Variants in ADAM10 observed in about 807,000 individuals in gnomAD.
ADAM10 encodes the protein disintegrin and metalloproteinase domain-containing protein 10.
A neutral mutation model predicts 90.1 loss-of-function variants in ADAM10; 17 were observed. That is an observed-to-expected ratio of 0.19 (90% CI 0.13 to 0.28). The LOEUF (loss-of-function observed/expected upper bound fraction) is 0.28, where lower values mean the gene tolerates loss of function less well. Ranked by LOEUF, ADAM10 falls within the 10% of genes least tolerant of loss-of-function variation. The pLI is 1.00. For synonymous variants in ADAM10, 310 were observed against 298.6 expected (o/e 1.04, Z -0.40); for missense variants, 610 against 914.3 (o/e 0.67, Z 4.29).
chr15:58,698,453 G>A, intron 2 of ADAM10: 1 of 298,436 alleles, frequency 3.4e-6, no homozygotes, highest in South Asian at 2.7e-5. Flanking sequence ...GCGTGAACCT[G>A]TAGTCCCAAC....
At chr15:58,698,614 G>C (rs746988405) in intron 2 of ADAM10, among the ~76,000 whole-genome samples, 3 of 145,584 alleles carry the variant, frequency 2.1e-5, no homozygotes, top group Non-Finnish European at 4.5e-5. Flanking sequence ...TCATAAAAAA[G>C]AACGAAATGC....
intron 1 of ADAM10, among the ~76,000 whole-genome samples, chr15:58,722,787 A>G (rs1360645668): frequency 7.2e-6 from 1 of 139,774 alleles, no homozygotes; most frequent in South Asian, 2.3e-4. Flanking sequence ...GCTGGAGTGC[A>G]GTAGCACTAT....
chr15:58,649,792 A>G (rs1466254858), intron 5 of ADAM10, among the ~76,000 whole-genome samples: 1 of 152,138 alleles, frequency 6.6e-6, no homozygotes, highest in Non-Finnish European at 1.5e-5. Context: ...ATCCTGCCCT[A>G]ATTACAGGGC....
intron 10 of ADAM10, among the ~76,000 whole-genome samples, chr15:58,624,589 T>C (rs1316572623): frequency 1.3e-5 from 2 of 152,218 alleles, no homozygotes; most frequent in Admixed American, 1.3e-4. Context: ...TAAAGTGCAG[T>C]GGCACGATCT....
intron 4 of ADAM10, among the ~76,000 whole-genome samples, chr15:58,674,928 G>A (rs946756352): frequency 7.9e-5 from 12 of 152,324 alleles, no homozygotes; most frequent in Admixed American, 3.3e-4. Flanking sequence ...AGTGGCTCAC[G>A]CCTGTAATCC....
At chr15:58,723,454 G>A (rs958538204) in intron 1 of ADAM10, among the ~76,000 whole-genome samples, 2 of 152,150 alleles carry the variant, frequency 1.3e-5, no homozygotes, top group African/African-American at 4.8e-5. Context: ...GGAAGCTGAG[G>A]TGGGTAGATC....
At chr15:58,724,176 C>CAA (rs547892688) in intron 1 of ADAM10, among the ~76,000 whole-genome samples, 2 of 120,024 alleles carry the variant, frequency 1.7e-5, no homozygotes, top group Non-Finnish European at 3.6e-5. Context: ...GACTCCGTCT[C>CAA]AAAAAAAAAA....
At chr15:58,691,590 AT>A (rs1206678017) in intron 2 of ADAM10, 1 of 477,150 alleles carries the variant, frequency 2.1e-6, no homozygotes, top group Non-Finnish European at 4.2e-6. Context: ...AAGCCACGAG[AT>A]TTTAGAGAAT....
At position 58,591,685 on chromosome 15, in the gene ADAM10, A is replaced by C. The variant is rs1894827011; in HGVS notation, c.*5862T>G. The C allele has an allele frequency of 6.6e-6, 1 of 152,226 alleles. No homozygotes were observed. Among genetic ancestry groups the C allele is most frequent in the Non-Finnish European group, 1.5e-5 (1 of 68,042 alleles). The allele number at this position is 152,226 out of a possible 1,614,324, so 9.4% of individuals were successfully genotyped here. Reference sequence around the variant, plus strand: ...ATCAACTCACAGCCAATCTTGTTTCAACTATATCCACACACACCAGCCAAC... The same window carrying C: ...ATCAACTCACAGCCAATCTTGTTTCCACTATATCCACACACACCAGCCAAC... On this transcript the variant is annotated 3_prime_UTR_variant, in exon 16 of 16. Transcript: ENST00000260408.
In ADAM10 at chr15:58,590,368, G is replaced by A. The variant is rs1464439676; in HGVS notation, c.*7179C>T. The A allele has an allele frequency of 1.3e-5, 2 of 152,230 alleles. No homozygotes were observed. Among genetic ancestry groups the A allele is most frequent in the African/African-American group, 4.8e-5 (2 of 41,454 alleles). The allele number at this position is 152,230 out of a possible 1,614,324, so 9.4% of individuals were successfully genotyped here. Reference sequence around the variant, plus strand: ...CAAGACCATACGCTTCACCAGGGCAGGGAAACTGTTAAGTTCACTACTGTA... The same window carrying A: ...CAAGACCATACGCTTCACCAGGGCAAGGAAACTGTTAAGTTCACTACTGTA... On this transcript the variant is annotated 3_prime_UTR_variant, in exon 16 of 16. Coordinates refer to ENST00000260408, the MANE Select transcript of ADAM10 (RefSeq NM_001110.4).
chr15:58,693,254 T>C, intron 2 of ADAM10: 2 of 569,702 alleles, frequency 3.5e-6, no homozygotes. Context: ...GTGTCCAAAA[T>C]GCACACGGCA....
At chr15:58,683,970 G>T (rs1897519344) in intron 2 of ADAM10, among the ~76,000 whole-genome samples, 1 of 151,316 alleles carries the variant, frequency 6.6e-6, no homozygotes, top group Non-Finnish European at 1.5e-5. Flanking sequence ...AAATGCTCAA[G>T]TCCCTTATAC....
At chr15:58,656,435 C>T (rs757514050) in intron 5 of ADAM10, among the ~76,000 whole-genome samples, 4 of 151,578 alleles carry the variant, frequency 2.6e-5, no homozygotes, top group East Asian at 1.9e-4. Context: ...TGATTTTCTC[C>T]GGTGGTATGA....
chr15:58,733,133 A>G (rs967440287), intron 1 of ADAM10: 1 of 152,262 alleles, frequency 6.6e-6, no homozygotes, highest in Admixed American at 6.5e-5. Context: ...CACACTGGAC[A>G]GAGGCCTTAA....
intron 10 of ADAM10, 110 bp downstream of exon 10, chr15:58,627,590 G>A (rs1420000198): frequency 3.4e-6 from 3 of 888,010 alleles, no homozygotes; most frequent in African/African-American, 1.7e-5. Flanking sequence ...CAAAGTGTTA[G>A]CAATAGTAAA....
chr15:58,718,376 TAATTTTGTTTAG>T (rs1306796679), intron 1 of ADAM10, among the ~76,000 whole-genome samples: 1 of 152,226 alleles, frequency 6.6e-6, no homozygotes, highest in Non-Finnish European at 1.5e-5. Context: ...CAATTTACTG[TAATTTTGTTTAG>T]AATTTTGTTT....
intron 2 of ADAM10, among the ~76,000 whole-genome samples, chr15:58,686,146 A>C (rs1340229065): frequency 6.6e-6 from 1 of 152,226 alleles, no homozygotes; most frequent in Non-Finnish European, 1.5e-5. Flanking sequence ...TCGTGGATGC[A>C]TAAAGAGAGA....
intron 4 of ADAM10, among the ~76,000 whole-genome samples, chr15:58,678,626 AT>A (rs2049848382): frequency 6.6e-6 from 1 of 152,180 alleles, no homozygotes; most frequent in South Asian, 2.1e-4. Flanking sequence ...AGAGAACAAA[AT>A]CCATGATAAA....
chr15:58,705,630 A>G (rs1467181210), intron 2 of ADAM10, among the ~76,000 whole-genome samples: 3 of 152,238 alleles, frequency 2.0e-5, no homozygotes, highest in African/African-American at 7.2e-5. Flanking sequence ...CCTTTGGTGC[A>G]GAGCAACAAA....
Sources: allele counts gnomAD v4.1 joint callset (sites outside exome capture counted in the v4.1 genomes callset), GRCh38; gene constraint gnomAD v4.1.1; transcripts MANE v1.5; gene names NCBI Gene and HGNC (gene_info 2026-07-23, HGNC 2026-07-21).